Variants in ROCK1 observed in about 807,000 individuals in gnomAD.
ROCK1 encodes Rho associated coiled-coil containing protein kinase 1, also known as rho-associated protein kinase 1.
In ROCK1, 36 loss-of-function variants were observed where a neutral mutation model predicts 196.8. The observed-to-expected ratio is 0.18, with a 90% CI of 0.14 to 0.24. ROCK1 has a LOEUF of 0.24. Among genes scored for constraint, ROCK1 ranks in the 10% least tolerant of loss-of-function variants. The pLI is 1.00. For synonymous variants in ROCK1, 443 were observed against 515.9 expected (o/e 0.86, Z 1.91); for missense variants, 920 against 1,562.0 (o/e 0.59, Z 6.93).
At chr18:21,013,785 T>G (rs1317580581) in intron 13 of ROCK1, among the ~76,000 whole-genome samples, 1 of 152,056 alleles carries the variant, frequency 6.6e-6, no homozygotes, top group East Asian at 1.9e-4. Context: ...TACAGTTGGC[T>G]GGGCGCGGTG....
chr18:20,993,580 G>A (rs2035645481), intron 16 of ROCK1, among the ~76,000 whole-genome samples: 1 of 152,300 alleles, frequency 6.6e-6, no homozygotes, highest in East Asian at 1.9e-4. Flanking sequence ...ATATGTGCCA[G>A]ACACTGCAAA....
At chr18:21,075,541 G>A (rs1253388103) in intron 1 of ROCK1, among the ~76,000 whole-genome samples, 2 of 152,158 alleles carry the variant, frequency 1.3e-5, no homozygotes, top group African/African-American at 4.8e-5. Flanking sequence ...ATACAGATTT[G>A]GGAGTCATGA....
chr18:20,953,867 A>T (rs2143318192), intron 31 of ROCK1, 82 bp from the exon 32 acceptor site: 1 of 612,578 alleles, frequency 1.6e-6, no homozygotes, highest in East Asian at 3.2e-5. Flanking sequence ...TAGTTTTTCA[A>T]GTTCTTAAGG....
In ROCK1 at chr18:20,992,879, C is replaced by T; in HGVS notation, c.1944G>A (p.Val648=). The T allele has an allele frequency of 1.2e-6, 2 of 1,612,430 alleles. No individual in the cohort carries two copies. Among genetic ancestry groups the T allele is most frequent in the Non-Finnish European group, 1.7e-6 (2 of 1,179,034 alleles). ...CTTGAGCCTCTTTTCTTTCTCCTTC[C>T]ACTTTTTCGAGATTATGTTTGAGAT... is the stretch of plus-strand genomic sequence containing the variant. ...VKHLKHNLEK[V]EGERKEAQDM... The change falls in exon 17 of 33, where the codon GTG becomes GTA. Residue 648 remains valine (V), a synonymous_variant. Coordinates refer to ENST00000399799, the MANE Select transcript of ROCK1 (RefSeq NM_005406.3).
intron 2 of ROCK1, among the ~76,000 whole-genome samples, chr18:21,065,205 G>A (rs1004289608): frequency 1.3e-5 from 2 of 152,152 alleles, no homozygotes; most frequent in African/African-American, 4.8e-5. Flanking sequence ...TCTGAATAGT[G>A]ATTATTCGCA....
intron 1 of ROCK1, among the ~76,000 whole-genome samples, chr18:21,105,835 T>C (rs2036698330): frequency 6.6e-6 from 1 of 152,012 alleles, no homozygotes; most frequent in Non-Finnish European, 1.5e-5. Flanking sequence ...GAGATAATAA[T>C]AATTGAAGCT....
At chr18:20,995,644 G>A (rs916515333) in intron 16 of ROCK1, among the ~76,000 whole-genome samples, 32 of 152,154 alleles carry the variant, frequency 2.1e-4, no homozygotes, top group African/African-American at 6.8e-4. Context: ...CAGTTCCAGT[G>A]GTGGTGGCTA....
intron 1 of ROCK1, among the ~76,000 whole-genome samples, chr18:21,107,785 G>A (rs2036715576): frequency 6.6e-6 from 1 of 152,232 alleles, no homozygotes; most frequent in Non-Finnish European, 1.5e-5. Flanking sequence ...CAGGCACGGT[G>A]GCTCACGCCT....
In ROCK1 at chr18:20,970,470, C is replaced by G; in HGVS notation, c.2698G>C (p.Glu900Gln). The part of the protein sequence containing the change: ...TQLDLAETKA[E>Q]SEQLARGLLE... The stretch of plus-strand genomic sequence containing the variant: ...AGGCCTCGCGCCAACTGCTCAGACT[C>G]AGCTTTTGTTTCTGCTAGATCCAAC... The change falls in exon 23 of 33, where the codon GAG (glutamate) becomes CAG (glutamine). Residue 900 changes from glutamate to glutamine, a missense_variant. Glu to Gln is a conservative substitution (Grantham distance 29, BLOSUM62 2). Transcript: ENST00000399799. 1 of 1,613,576 alleles carries G rather than the reference C, an allele frequency of 6.2e-7. No homozygotes were observed. Among genetic ancestry groups the G allele is most frequent in the South Asian group, 1.1e-5 (1 of 91,014 alleles).
intron 9 of ROCK1, among the ~76,000 whole-genome samples, chr18:21,031,459 G>C (rs1434993773): frequency 6.6e-6 from 1 of 151,842 alleles, no homozygotes; most frequent in Non-Finnish European, 1.5e-5. Context: ...CAAAAAATAA[G>C]CCAGGTGTGG....
At chr18:21,106,494 T>C (rs898034492) in intron 1 of ROCK1, among the ~76,000 whole-genome samples, 12 of 152,206 alleles carry the variant, frequency 7.9e-5, no homozygotes, top group Non-Finnish European at 1.8e-4. Context: ...CATTTTTTCC[T>C]CTGCAAAGAT....
intron 1 of ROCK1, among the ~76,000 whole-genome samples, chr18:21,082,619 A>C (rs969855459): frequency 6.6e-6 from 1 of 152,180 alleles, no homozygotes; most frequent in African/African-American, 2.4e-5. Flanking sequence ...TGTTCAACAA[A>C]ATTCAACACC....
At chr18:20,993,492 C>T (rs1293607619) in intron 16 of ROCK1, among the ~76,000 whole-genome samples, 4 of 152,112 alleles carry the variant, frequency 2.6e-5, no homozygotes, top group African/African-American at 7.2e-5. Context: ...TGAGCCACCG[C>T]GCCCGGCACT....
intron 11 of ROCK1, among the ~76,000 whole-genome samples, chr18:21,023,301 A>G (rs1425755919): frequency 6.6e-6 from 1 of 152,208 alleles, no homozygotes; most frequent in South Asian, 2.1e-4. Context: ...TATTTTGAAC[A>G]TGTAATCTGT....
intron 1 of ROCK1, among the ~76,000 whole-genome samples, chr18:21,097,409 A>G (rs2036621724): frequency 1.3e-5 from 2 of 152,226 alleles, no homozygotes; most frequent in Admixed American, 1.3e-4. Flanking sequence ...TCCAACCTAT[A>G]CTATAAAAGT....
In ROCK1 at chr18:21,049,884, T is replaced by C; in HGVS notation, c.176-4A>G. On this transcript the variant is annotated splice_polypyrimidine_tract_variant and splice_region_variant and intron_variant, in intron 2 of 32. Transcript: ENST00000399799. ...ATTTTATTTATTGTGTCTTTATCTG[T>C]ATGAAAAGAAAAGTTTATCATTTTA... 2 of 1,507,118 alleles carry C rather than the reference T, an allele frequency of 1.3e-6. No homozygotes were observed. The highest frequency in any genetic ancestry group is 1.8e-6 in the Non-Finnish European group (2 of 1,100,632). 93.4% of individuals were successfully genotyped at this position (1,507,118 alleles called of 1,614,324 possible). A position where few individuals can be genotyped will look rare whatever the true frequency, so the allele number is the denominator to read the frequency against.
chr18:21,015,861 T>C (rs575718263), intron 12 of ROCK1, among the ~76,000 whole-genome samples: 17 of 151,434 alleles, frequency 1.1e-4, no homozygotes, highest in South Asian at 2.1e-4. Context: ...GCGCCTGTAA[T>C]CCCAGCTATT....
intron 29 of ROCK1, among the ~76,000 whole-genome samples, chr18:20,956,149 G>A (rs376627943): frequency 6.6e-6 from 1 of 152,114 alleles, no homozygotes; most frequent in East Asian, 1.9e-4. Context: ...ATTGGTCCCA[G>A]GACCCAGGAG....
chr18:21,030,263 A>C (rs1330751220), intron 9 of ROCK1, among the ~76,000 whole-genome samples: 1 of 152,162 alleles, frequency 6.6e-6, no homozygotes, highest in African/African-American at 2.4e-5. Context: ...TAAAAGAGTG[A>C]TCTCAATCAG....
Sources: gnomAD v4.1 joint callset for allele counts (sites outside exome capture counted in the v4.1 genomes callset) on GRCh38, gnomAD v4.1.1 for gene constraint, MANE v1.5 for transcripts, NCBI Gene and HGNC (gene_info 2026-07-23, HGNC 2026-07-21) for gene names.